The following COMMD6 variants were observed in gnomAD, a reference collection of about 807,000 sequenced individuals.
The protein encoded by COMMD6 is COMM domain containing 6.
In COMMD6, 11 loss-of-function variants were observed where a neutral mutation model predicts 13.4. That is an observed-to-expected ratio of 0.82 (90% CI 0.52 to 1.36). The LOEUF (loss-of-function observed/expected upper bound fraction) is 1.36. Ranked by LOEUF, COMMD6 falls within the 40% of genes most tolerant of loss-of-function variation. The pLI is 0.00. For missense variants in COMMD6, 124 were observed against 102.4 expected (o/e 1.21, Z -0.91); for synonymous variants, 43 against 36.5 (o/e 1.18, Z -0.64).
intron 3 of COMMD6, chr13:75,527,703 C>T: frequency 1.2e-5 from 14 of 1,162,112 alleles, no homozygotes; most frequent in Non-Finnish European, 1.5e-5. Context: ...CCATTTGCAA[C>T]AACATGGATG....
intron 2 of COMMD6, among the ~76,000 whole-genome samples, chr13:75,534,794 C>T (rs946566304): frequency 6.6e-6 from 1 of 152,130 alleles, no homozygotes; most frequent in Non-Finnish European, 1.5e-5. Flanking sequence ...GATGTGGAGG[C>T]TGAAGTTACT....
intron 2 of COMMD6, among the ~76,000 whole-genome samples, chr13:75,531,272 A>G (rs1003977385): frequency 6.6e-6 from 1 of 152,216 alleles, no homozygotes; most frequent in Non-Finnish European, 1.5e-5. Context: ...GAAATATTTG[A>G]GCTTGAGGAC....
chr13:75,535,933 G>A (rs1289177055), intron 2 of COMMD6, among the ~76,000 whole-genome samples: 1 of 151,874 alleles, frequency 6.6e-6, no homozygotes, highest in East Asian at 1.9e-4. Flanking sequence ...TGTCACTCAG[G>A]CTGGACTGCT....
At chr13:75,528,601 A>G (rs938899838) in intron 3 of COMMD6, among the ~76,000 whole-genome samples, 1 of 152,086 alleles carries the variant, frequency 6.6e-6, no homozygotes, top group Non-Finnish European at 1.5e-5. Flanking sequence ...TGAGGTCAGG[A>G]GTTTCAGAAG....
At chr13:75,540,341 CACCCA>C (rs1566201712), upstream of COMMD6, among the ~76,000 whole-genome samples, 2 of 107,400 alleles carry the variant, frequency 1.9e-5, no homozygotes, top group African/African-American at 8.3e-5. Context: ...CACACACACA[CACCCA>C]CACACACACA....
chr13:75,526,633 A>G lies in COMMD6; in HGVS notation c.214T>C (p.Tyr72His). 6.2e-7 allele frequency: 1 copy of G among 1,603,060 alleles called. No homozygotes were observed. Among genetic ancestry groups the G allele is most frequent in the Non-Finnish European group, 8.5e-7 (1 of 1,172,824 alleles). ...EMTIPQFQNF[Y>H]RQFKEIAAVI... ...GCAGCAATTTCCTTGAACTGTCTGT[A>G]GAAATTCTGGAGAGAAAGGGGGAAA... The change falls in exon 4 of 4, where the codon TAC (tyrosine) becomes CAC (histidine). Residue 72 changes from tyrosine (Y) to histidine (H), a missense_variant. Transcript: ENST00000682242.
intron 2 of COMMD6, among the ~76,000 whole-genome samples, chr13:75,531,645 A>C (rs1269720720): frequency 1.3e-5 from 2 of 152,248 alleles, no homozygotes; most frequent in African/African-American, 2.4e-5. Flanking sequence ...ACAAGGAATT[A>C]AAAGCCACAA....
upstream of COMMD6, among the ~76,000 whole-genome samples, chr13:75,539,090 T>G (rs577813811): frequency 1.3e-5 from 2 of 152,268 alleles, no homozygotes; most frequent in South Asian, 4.1e-4. Context: ...ACACTTTAAA[T>G]CTCTCTGATC....
At chr13:75,527,250 A>T (rs947193011) in intron 3 of COMMD6, among the ~76,000 whole-genome samples, 1 of 152,200 alleles carries the variant, frequency 6.6e-6, no homozygotes, top group African/African-American at 2.4e-5. Flanking sequence ...TTGAAACTTA[A>T]CCTTGGCAAT....
rs774984351 is a variant in COMMD6, at chr13:75,537,749, C to A, written c.42+15G>T. 8.1e-6 allele frequency: 13 copies of A among 1,613,666 alleles called. No individual in the cohort carries two copies. The highest frequency in any genetic ancestry group is 4.0e-5 in the African/African-American group (3 of 74,936). ...AGAGCCTCGCTGCCCACTCTCCTTC[C>A]AGGTTGGAACTCACATCGGACTTAG... On this transcript the variant is annotated intron_variant, in intron 1 of 3. Coordinates refer to ENST00000682242, the MANE Select transcript of COMMD6 (RefSeq NM_203495.4).
intron 2 of COMMD6, 74 bp downstream of exon 2, chr13:75,537,590 G>A: frequency 2.5e-6 from 4 of 1,610,414 alleles, no homozygotes; most frequent in Non-Finnish European, 3.4e-6. Flanking sequence ...CCTGGGGAAG[G>A]CTCAGGGTGG....
intron 2 of COMMD6, among the ~76,000 whole-genome samples, chr13:75,530,705 C>T (rs2030448077): frequency 6.6e-6 from 1 of 152,170 alleles, no homozygotes. Flanking sequence ...GGGTGATGTG[C>T]TATGCAGTTT....
intron 1 of COMMD6, among the ~76,000 whole-genome samples, chr13:75,548,922 C>T (rs945219520): frequency 6.6e-6 from 1 of 152,216 alleles, no homozygotes; most frequent in African/African-American, 2.4e-5. Flanking sequence ...CACCTCTAAT[C>T]AGCACCCTTT....
At chr13:75,530,378 A>T in intron 2 of COMMD6, 112 bp from the exon 3 acceptor site, 1 of 718,252 alleles carries the variant, frequency 1.4e-6, no homozygotes, top group Non-Finnish European at 2.2e-6. Context: ...CGCTGGTCAT[A>T]TTTACATAAA....
chr13:75,535,050 G>A (rs1435133498), intron 2 of COMMD6, among the ~76,000 whole-genome samples: 1 of 152,242 alleles, frequency 6.6e-6, no homozygotes, highest in Non-Finnish European at 1.5e-5. Flanking sequence ...AGGTGACAGA[G>A]TGACAAGAAA....
chr13:75,527,353 TAATTTATATGCA>T (rs1316903664), intron 3 of COMMD6, among the ~76,000 whole-genome samples: 1 of 152,228 alleles, frequency 6.6e-6, no homozygotes, highest in African/African-American at 2.4e-5. Flanking sequence ...TGTATTGTTT[TAATTTATATGCA>T]AATTTGTCAC....
chr13:75,530,327 T>C, intron 2 of COMMD6, 61 bp from the exon 3 acceptor site: 1 of 1,394,102 alleles, frequency 7.2e-7, no homozygotes, highest in Admixed American at 2.1e-5. Context: ...TGCAGATATT[T>C]ATTCAATTTT....
chr13:75,542,808 G>C (rs2030847670), upstream of COMMD6, among the ~76,000 whole-genome samples: 1 of 152,208 alleles, frequency 6.6e-6, no homozygotes, highest in Non-Finnish European at 1.5e-5. Flanking sequence ...TAGAGTGATA[G>C]ATTCCATGTG....
intron 1 of COMMD6, chr13:75,549,320 C>T (rs3812844): frequency 0.44 from 69,472 of 159,428 alleles, 17,095 homozygotes; most frequent in East Asian, 0.61. Flanking sequence ...CGAACAACAG[C>T]ACCGTGCTGC....
Sources: gnomAD v4.1 joint callset for allele counts (sites outside exome capture counted in the v4.1 genomes callset) on GRCh38, gnomAD v4.1.1 for gene constraint, MANE v1.5 for transcripts, NCBI Gene and HGNC (gene_info 2026-07-23, HGNC 2026-07-21) for gene names.